The following KCNQ1 variants were observed in gnomAD, a reference collection of about 807,000 sequenced individuals.
KCNQ1 encodes the protein potassium voltage-gated channel subfamily Q member 1.
Under a neutral mutation model 72.4 loss-of-function variants are expected in KCNQ1, and 49 were observed. The ratio of observed to expected loss-of-function variants is 0.68; its 90% CI spans 0.54 to 0.86. The LOEUF is 0.86. Among genes scored for constraint, KCNQ1 ranks in the 40% least tolerant of loss-of-function variants. The pLI, the probability that KCNQ1 is intolerant of heterozygous loss-of-function variation, is 0.00. For missense variants in KCNQ1, 790 were observed against 945.1 expected, an observed-to-expected ratio of 0.84 and a Z score of 2.15; for synonymous variants, 450 against 412.6, an observed-to-expected ratio of 1.09 and a Z score of -1.10.
intron 15 of KCNQ1, among the ~76,000 whole-genome samples, chr11:2,788,016 CT>C (rs1293284392): frequency 6.6e-6 from 1 of 152,154 alleles, no homozygotes; most frequent in Non-Finnish European, 1.5e-5. Flanking sequence ...GTGAGTGTGG[CT>C]CCCCCAACGT....
At position 2,715,889 on chromosome 11, in the gene KCNQ1, TTGAG is replaced by T. The variant is rs142196552; in HGVS notation, c.1515-52952_1515-52949del. ...GCCACACCAGCCAGAGCTTGGGTGA[TTGAG>T]TGGGTAGAGGGGGTGGCCAGAGTGG... On this transcript the variant is annotated intron_variant, in intron 11 of 15. Transcript: ENST00000155840. The surrounding 1 kb of genome is among the most constrained non-coding windows in gnomAD (Gnocchi z 4.9). Among the ~76,000 whole-genome samples the T allele has an allele frequency of 0.013, 2,042 of 152,222 alleles. 14 individuals carry two copies. Among genetic ancestry groups the T allele is most frequent in the Middle Eastern group, 0.02 (6 of 294 alleles).
In KCNQ1 at chr11:2,674,719, G is replaced by C. The variant is rs1036214106; in HGVS notation, c.1514+12638G>C. 5 of 396,706 alleles carry C rather than the reference G, an allele frequency of 1.3e-5. No individual in the cohort carries two copies. The highest frequency in any genetic ancestry group is 8.9e-5 in the Admixed American group (2 of 22,396). 24.6% of individuals were successfully genotyped at this position (396,706 alleles called of 1,614,324 possible). A position where few individuals can be genotyped will look rare whatever the true frequency, so the allele number is the denominator to read the frequency against. On this transcript the variant is annotated intron_variant, in intron 11 of 15. Coordinates refer to ENST00000155840, the MANE Select transcript of KCNQ1 (RefSeq NM_000218.3). This position sits in a 1 kb window ranked among gnomAD's most constrained non-coding sequence, Gnocchi z 5.9. ...CCTTTCCTGATGACTCCTTCCTTCT[G>C]AACTTAACTCGTTAAAGTTGCTCCA...
intron 11 of KCNQ1, among the ~76,000 whole-genome samples, chr11:2,721,435 G>A (rs1851201244): frequency 1.3e-5 from 2 of 152,256 alleles, no homozygotes. Flanking sequence ...TCAGAGGGCT[G>A]GCAGATCAGC....
rs7128407 is a variant in KCNQ1 at position 2,571,955 on chromosome 11, C to T, written c.684-58C>T. 27,248 of 1,455,324 alleles carry T rather than the reference C, an allele frequency of 0.019. 424 individuals are homozygous for T. Among genetic ancestry groups the T allele is most frequent in the Non-Finnish European group, 0.02 (21,181 of 1,048,972 alleles). 90.2% of individuals were successfully genotyped at this position (1,455,324 alleles called of 1,614,324 possible). ...CCATGCCATCGGCCAGCCCTAGGCC[C>T]GGCGTGAACAGCTGAGCCCAGCCTG... is the stretch of plus-strand genomic sequence containing the variant. On this transcript the variant is annotated intron_variant, in intron 4 of 15. Coordinates refer to ENST00000155840, the MANE Select transcript of KCNQ1 (RefSeq NM_000218.3).
chr11:2,752,097 A>G lies in KCNQ1; in HGVS notation c.1515-16747A>G, dbSNP rs1416678762. ...ACTCACCCTGGTCATCCCTGTTTCC[A>G]CCACAAGACTGTTTGTAGCCGAGCT... is the stretch of plus-strand genomic sequence containing the variant. On this transcript the variant is annotated intron_variant, in intron 11 of 15. Transcript: ENST00000155840. This position sits in a 1 kb window ranked among gnomAD's most constrained non-coding sequence, Gnocchi z 5.2. Among the ~76,000 whole-genome samples the G allele has an allele frequency of 2.6e-5, 4 of 152,104 alleles. No individual in the cohort carries two copies. The highest frequency in any genetic ancestry group is 9.7e-5 in the African/African-American group (4 of 41,432).
chr11:2,647,904 T>A lies in KCNQ1; in HGVS notation c.1394-14057T>A. 2.5e-6 allele frequency: 1 copy of A among 398,462 alleles called. No homozygotes were observed. The highest frequency in any genetic ancestry group is 4.4e-6 in the Non-Finnish European group (1 of 226,058). 24.7% of individuals were successfully genotyped at this position (398,462 alleles called of 1,614,324 possible). ...GTTAGTCTAGCTAATGGTTTATTGA[T>A]TTTCTCTTTTCAAAAAATCAGTTTT... On this transcript the variant is annotated intron_variant, in intron 10 of 15. Transcript: ENST00000155840. The surrounding 1 kb of genome is among the most constrained non-coding windows in gnomAD (Gnocchi z 4.0).
intron 11 of KCNQ1, among the ~76,000 whole-genome samples, chr11:2,732,321 C>G (rs1183219276): frequency 6.6e-6 from 1 of 152,170 alleles, no homozygotes; most frequent in African/African-American, 2.4e-5. Context: ...CAAGCTGCCC[C>G]GTGGGCACTG....
At position 2,450,770 on chromosome 11, in the gene KCNQ1, GGCTGGGTGACCACAGGGAT is replaced by G. The variant is rs1353990051; in HGVS notation, c.386+5289_386+5307del. 1.1e-4 allele frequency among the ~76,000 whole-genome samples: 17 copies of G among 152,192 alleles called. No homozygotes were observed. Among genetic ancestry groups the G allele is most frequent in the Non-Finnish European group, 2.9e-5 (2 of 68,032 alleles). On this transcript the variant is annotated intron_variant, in intron 1 of 15. Transcript: ENST00000155840. This position sits in a 1 kb window ranked among gnomAD's most constrained non-coding sequence, Gnocchi z 7.9. Reference sequence around the variant, plus strand: ...GGAGGCGGCTGGTGTCTCTGGTACTGGCTGGGTGACCACAGGGATGCCGCGTGACCCTAGTCCAGGGGGC... The same window carrying G: ...GGAGGCGGCTGGTGTCTCTGGTACTGGCCGCGTGACCCTAGTCCAGGGGGC...
chr11:2,503,079 C>T (rs1847043362), intron 1 of KCNQ1, among the ~76,000 whole-genome samples: 1 of 152,118 alleles, frequency 6.6e-6, no homozygotes, highest in African/African-American at 2.4e-5. Flanking sequence ...AACTATGAAA[C>T]TACTAAAAAG....
chr11:2,770,775 T>C (rs1472125982), intron 12 of KCNQ1, among the ~76,000 whole-genome samples: 1 of 152,208 alleles, frequency 6.6e-6, no homozygotes, highest in Non-Finnish European at 1.5e-5. Context: ...GTCTCCTCTC[T>C]CTGGTGCTGG....
chr11:2,777,376 C>T (rs527562147), intron 14 of KCNQ1, among the ~76,000 whole-genome samples: 2 of 152,118 alleles, frequency 1.3e-5, no homozygotes, highest in East Asian at 3.9e-4. Flanking sequence ...GAGCTGCCAG[C>T]CCAGAATTCA....
At position 2,768,768 on chromosome 11, in the gene KCNQ1, A is replaced by C; in HGVS notation, c.1515-76A>C. The C allele has an allele frequency of 9.1e-7, 1 of 1,103,906 alleles. No homozygotes were observed. Among genetic ancestry groups the C allele is most frequent in the Admixed American group, 1.7e-5 (1 of 59,148 alleles). 68.4% of individuals were successfully genotyped at this position (1,103,906 alleles called of 1,614,324 possible). A position where few individuals can be genotyped will look rare whatever the true frequency, so the allele number is the denominator to read the frequency against. On this transcript the variant is annotated intron_variant, in intron 11 of 15. Transcript: ENST00000155840. This position sits in a 1 kb window ranked among gnomAD's most constrained non-coding sequence, Gnocchi z 6.7. ...GAAGGATCCAGTCTGCGTGCTCCTC[A>C]GGCAGTGCAGGGGCAGTGAGGGGAT...
chr11:2,483,963 CAA>C lies in KCNQ1; in HGVS notation c.386+38481_386+38482del, dbSNP rs1423310263. On this transcript the variant is annotated intron_variant, in intron 1 of 15. Transcript: ENST00000155840. The surrounding 1 kb of genome is among the most constrained non-coding windows in gnomAD (Gnocchi z 6.1). The stretch of plus-strand genomic sequence containing the variant: ...ATCAGCTGGTTTTGCTTGTGACAGG[CAA>C]AGTCTGTGGTGCTTGCCAAATGGGG... 6.6e-6 allele frequency among the ~76,000 whole-genome samples: 1 copy of C among 152,178 alleles called. No individual in the cohort carries two copies. Among genetic ancestry groups the C allele is most frequent in the East Asian group, 1.9e-4 (1 of 5,192 alleles).
At chr11:2,831,213 C>A (rs962959701) in intron 15 of KCNQ1, among the ~76,000 whole-genome samples, 3 of 152,208 alleles carry the variant, frequency 2.0e-5, no homozygotes, top group African/African-American at 7.2e-5. Flanking sequence ...GGATGGCCAT[C>A]GGGTGCAGGG....
In KCNQ1 at chr11:2,541,704, GT is replaced by G. The variant is rs368310521; in HGVS notation, c.477+13701del. ...TTCATCTCAGGCTCAGGTGTTTTGA[GT>G]TTTTTTTTTTTTTTAAATGAGGACA... On this transcript the variant is annotated intron_variant, in intron 2 of 15. Coordinates refer to ENST00000155840, the MANE Select transcript of KCNQ1 (RefSeq NM_000218.3). The surrounding 1 kb of genome is among the most constrained non-coding windows in gnomAD (Gnocchi z 4.8). 1.1e-3 allele frequency among the ~76,000 whole-genome samples: 157 copies of G among 145,156 alleles called. No individual in the cohort carries two copies. Among genetic ancestry groups the G allele is most frequent in the South Asian group, 1.3e-3 (6 of 4,550 alleles).
chr11:2,533,558 CAG>C (rs774262863), intron 2 of KCNQ1, among the ~76,000 whole-genome samples: 57 of 152,368 alleles, frequency 3.7e-4, no homozygotes, highest in Non-Finnish European at 7.1e-4. Flanking sequence ...TGTGTGCACT[CAG>C]TGTACGTGTG....
intron 15 of KCNQ1, among the ~76,000 whole-genome samples, chr11:2,838,160 C>G (rs1309374086): frequency 6.6e-6 from 1 of 152,248 alleles, no homozygotes; most frequent in African/African-American, 2.4e-5. Flanking sequence ...GCAAACACCA[C>G]CAGTAGGGAC....
Position 2,445,286 on chromosome 11 carries a change from C to T in KCNQ1, c.188C>T (p.Pro63Leu). The change falls in exon 1 of 16, where the codon CCC becomes CTC. Residue 63 changes from proline (P) to leucine (L), a missense_variant. Transcript: ENST00000155840. The part of the protein sequence containing the change: ...PIAPGAPGPA[P>L]PASPAAPAAP... ...GCGCCCGGCGCCCCAGGTCCCGCGCCCCCTGCGTCCCCGGCCGCGCCCGCC... is the reference window on the plus strand; with the variant it reads ...GCGCCCGGCGCCCCAGGTCCCGCGCTCCCTGCGTCCCCGGCCGCGCCCGCC... 1 of 1,335,548 alleles carries T rather than the reference C, an allele frequency of 7.5e-7. No homozygotes were observed. The highest frequency in any genetic ancestry group is 9.5e-7 in the Non-Finnish European group (1 of 1,048,886). 82.7% of individuals were successfully genotyped at this position (1,335,548 alleles called of 1,614,324 possible). A position where few individuals can be genotyped will look rare whatever the true frequency, so the allele number is the denominator to read the frequency against.
chr11:2,707,578 C>A (rs1246694996), intron 11 of KCNQ1, among the ~76,000 whole-genome samples: 6 of 152,120 alleles, frequency 3.9e-5, no homozygotes, highest in South Asian at 4.1e-4. Context: ...CCCAGGAGAG[C>A]GATAAATGGA....
Sources: gnomAD v4.1 joint callset for allele counts (sites outside exome capture counted in the v4.1 genomes callset) on GRCh38, gnomAD v4.1.1 for gene constraint, Gnocchi (gnomAD v3.1) non-coding constraint, MANE v1.5 for transcripts, NCBI Gene and HGNC (gene_info 2026-07-23, HGNC 2026-07-21) for gene names.